The following HHIPL1 variants were observed in gnomAD, a reference collection of about 807,000 sequenced individuals.
HHIPL1 encodes HHIP-like protein 1.
In HHIPL1, 43 loss-of-function variants were observed where a neutral mutation model predicts 61.8. That is an observed-to-expected ratio of 0.70 (90% CI 0.55 to 0.90). The LOEUF (loss-of-function observed/expected upper bound fraction) is 0.90, where lower values mean the gene tolerates loss of function less well. HHIPL1 is among the 40% of genes least tolerant of loss of function. The probability of loss-of-function intolerance (pLI) is 0.00; values close to 1 mark genes in which losing one functional copy is unlikely to be tolerated. For missense variants in HHIPL1, 1,056 were observed against 1,157.7 expected, an observed-to-expected ratio of 0.91 and a Z score of 1.28; for synonymous variants, 482 against 515.8, an observed-to-expected ratio of 0.93 and a Z score of 0.89.
chr14:99,659,085 C>G (rs1183559929), intron 3 of HHIPL1, among the ~76,000 whole-genome samples: 2 of 152,192 alleles, frequency 1.3e-5, no homozygotes, highest in African/African-American at 4.8e-5. Flanking sequence ...GTTATTTGAG[C>G]TTTCTGAGCT....
At position 99,679,460 on chromosome 14, in the gene HHIPL1, C is replaced by G. The variant is rs537048983; in HGVS notation, c.*3834C>G. Reference sequence around the variant, plus strand: ...AGTGCCACACAGCTTAGTGCTGGAGCCTCAGGGTCAATGCTGCAGGGGTGG... The same window carrying G: ...AGTGCCACACAGCTTAGTGCTGGAGGCTCAGGGTCAATGCTGCAGGGGTGG... On this transcript the variant is annotated 3_prime_UTR_variant, in exon 9 of 9. Coordinates refer to ENST00000330710, the MANE Select transcript of HHIPL1 (RefSeq NM_001127258.3). 1 of 152,576 alleles carries G rather than the reference C, an allele frequency of 6.6e-6. No individual in the cohort carries two copies. The highest frequency in any genetic ancestry group is 1.9e-4 in the East Asian group (1 of 5,194). 9.5% of individuals were successfully genotyped at this position (152,576 alleles called of 1,614,324 possible).
the HHIPL1 span, among the ~76,000 whole-genome samples, chr14:99,639,112 G>A: frequency 2.6e-5 from 4 of 152,246 alleles, no homozygotes; most frequent in Non-Finnish European, 4.4e-5. Flanking sequence ...CTCAACAGCC[G>A]GGCCCCTGCC....
At chr14:99,617,489 C>A in the HHIPL1 span, among the ~76,000 whole-genome samples, 1 of 152,062 alleles carries the variant, frequency 6.6e-6, no homozygotes, top group African/African-American at 2.4e-5. Context: ...CCAGAAAGAA[C>A]AACTAAATGT....
At chr14:99,636,681 T>C in the HHIPL1 span, among the ~76,000 whole-genome samples, 4 of 151,050 alleles carry the variant, frequency 2.6e-5, no homozygotes, top group African/African-American at 9.7e-5. Flanking sequence ...AAGAAGGAAG[T>C]TACAAAAAGA....
Position 99,660,376 on chromosome 14 carries a change from G to T in HHIPL1, c.1472G>T (p.Gly491Val), listed in dbSNP as rs752112565. ...YRGCEYPNLN[G>V]LYIFGDFMSG... ...GGCTGCGAGTACCCCAACCTGAACGGCCTCTACATTTTTGGGGATTTCATG... is the reference window on the plus strand; with the variant it reads ...GGCTGCGAGTACCCCAACCTGAACGTCCTCTACATTTTTGGGGATTTCATG... The change falls in exon 5 of 9, where the codon GGC becomes GTC. Residue 491 changes from glycine to valine, a missense_variant. Coordinates refer to ENST00000330710, the MANE Select transcript of HHIPL1 (RefSeq NM_001127258.3). This position sits in a 1 kb window ranked among gnomAD's most constrained non-coding sequence, Gnocchi z 4.9. 6.2e-7 allele frequency: 1 copy of T among 1,613,844 alleles called. No individual in the cohort carries two copies. The highest frequency in any genetic ancestry group is 2.2e-5 in the East Asian group (1 of 44,840).
rs770998890 is a variant in HHIPL1 at position 99,652,641 on chromosome 14, C to T, written c.673C>T (p.Arg225Cys). 20 of 1,613,526 alleles carry T rather than the reference C, an allele frequency of 1.2e-5. No individual in the cohort carries two copies. The highest frequency in any genetic ancestry group is 5.3e-5 in the African/African-American group (4 of 75,058). The change falls in exon 2 of 9, where the codon CGC (arginine) becomes TGC (cysteine). Residue 225 changes from arginine (R) to cysteine (C), a missense_variant. Physicochemically the swap from Arg to Cys is radical, Grantham distance 180. Transcript: ENST00000330710. ...GCTGGTGTGGGCCTACCTGCCCGAC[C>T]GCTCGAGGCTGGGGAAGCCTTTCCT... ...VGLVWAYLPD[R>C]SRLGKPFLNI...
chr14:99,649,503 G>A (rs1057309402), intron 1 of HHIPL1, among the ~76,000 whole-genome samples: 6 of 152,198 alleles, frequency 3.9e-5, no homozygotes, highest in African/African-American at 1.2e-4. Flanking sequence ...TATAAAATAG[G>A]AGTCAAGCCG....
Position 99,659,588 on chromosome 14 carries a change from C to G in HHIPL1, c.1207C>G (p.Arg403Gly), listed in dbSNP as rs1455851664. The change falls in exon 4 of 9, where the codon CGT becomes GGT. Residue 403 changes from arginine (R) to glycine (G), a missense_variant. Coordinates refer to ENST00000330710, the MANE Select transcript of HHIPL1 (RefSeq NM_001127258.3). ...CAACATGTGGCGCTGCTCCTTCGAC[C>G]GTGGCGACCCCTCCTCGGGCACTGG... Reference protein sequence around the residue: ...VRNMWRCSFDRGDPSSGTGRG... With the variant: ...VRNMWRCSFDGGDPSSGTGRG... The G allele has an allele frequency of 3.2e-6, 5 of 1,552,586 alleles. No homozygotes were observed. The highest frequency in any genetic ancestry group is 4.8e-5 in the East Asian group (2 of 41,404).
At position 99,672,383 on chromosome 14, in the gene HHIPL1, C is replaced by T; in HGVS notation, c.1797C>T (p.Pro599=). 6.4e-7 allele frequency: 1 copy of T among 1,551,192 alleles called. No individual in the cohort carries two copies. Among genetic ancestry groups the T allele is most frequent in the Non-Finnish European group, 8.7e-7 (1 of 1,146,896 alleles). ...TGAAGATCAGAAGCCGTCTCATCCC[C>T]TTTGTGCCCAAAGAAAGTAAGTGCC... ...AQVKIRSRLI[P]FVPKEKFIPK... Residue 599 remains proline, a synonymous_variant, in exon 8 of 9, where the codon CCC becomes CCT. Transcript: ENST00000330710.
chr14:99,664,998 T>G (rs1457551222), intron 6 of HHIPL1, among the ~76,000 whole-genome samples: 1 of 151,180 alleles, frequency 6.6e-6, no homozygotes, highest in East Asian at 2.0e-4. Flanking sequence ...CACTGCAACC[T>G]GCAACCTCCA....
intron 1 of HHIPL1, 58 bp from the exon 2 acceptor site, chr14:99,652,166 A>T: frequency 1.4e-6 from 2 of 1,480,792 alleles, no homozygotes; most frequent in Non-Finnish European, 1.8e-6. Flanking sequence ...CGCCCAAGGT[A>T]ACCTTGGGCT....
intron 8 of HHIPL1, 110 bp downstream of exon 8, chr14:99,672,509 C>G: frequency 6.0e-6 from 5 of 840,270 alleles, no homozygotes; most frequent in Non-Finnish European, 9.9e-6. Context: ...AGATGCCCCT[C>G]TTCAGCCCCT....
intron 8 of HHIPL1, 44 bp downstream of exon 8, chr14:99,672,443 C>T (rs2056336176): frequency 1.3e-6 from 2 of 1,492,392 alleles, no homozygotes; most frequent in Middle Eastern, 1.7e-4. Context: ...GGGAGAGATC[C>T]CGCAGCCCAC....
At chr14:99,663,074 C>T (rs1434672748) in intron 6 of HHIPL1, 53 bp downstream of exon 6, 7 of 1,521,396 alleles carry the variant, frequency 4.6e-6, no homozygotes, top group Non-Finnish European at 5.3e-6. Flanking sequence ...GGGACTGGTC[C>T]TCCACCCTGT....
chr14:99,657,213 G>A (rs2056063271), intron 3 of HHIPL1, 70 bp downstream of exon 3: 3 of 1,527,054 alleles, frequency 2.0e-6, no homozygotes, highest in East Asian at 4.7e-5. Flanking sequence ...TCTTCCAGAG[G>A]GTGAGTTCCT....
At chr14:99,614,236 G>A in the HHIPL1 span, among the ~76,000 whole-genome samples, 1 of 152,154 alleles carries the variant, frequency 6.6e-6, no homozygotes, top group Non-Finnish European at 1.5e-5. Context: ...CCTCGAGAAA[G>A]GGCTGAGTCC....
At chr14:99,631,068 CT>C in the HHIPL1 span, among the ~76,000 whole-genome samples, 1 of 142,072 alleles carries the variant, frequency 7.0e-6, no homozygotes, top group African/African-American at 2.7e-5. Context: ...TTCTTTCTTT[CT>C]TTCTTTCTTT....
the HHIPL1 span, among the ~76,000 whole-genome samples, chr14:99,635,649 C>CTCAT: frequency 0.047 from 7,140 of 151,930 alleles, 547 homozygotes; most frequent in African/African-American, 0.16. Context: ...GTGAGCCCAT[C>CTCAT]TCATTCATTC....
chr14:99,642,141 C>T (rs377661719), upstream of HHIPL1, among the ~76,000 whole-genome samples: 6 of 151,156 alleles, frequency 4.0e-5, 1 homozygote, highest in African/African-American at 1.2e-4. Context: ...GGTTTCTCCA[C>T]GTTGGCCAGG....
Sources: allele counts gnomAD v4.1 joint callset (sites outside exome capture counted in the v4.1 genomes callset), GRCh38; gene constraint gnomAD v4.1.1; non-coding constraint Gnocchi (gnomAD v3.1); transcripts MANE v1.5; gene names NCBI Gene and HGNC (gene_info 2026-07-23, HGNC 2026-07-21).